SH3RF3: variants seen among roughly 807,000 people sequenced by gnomAD.
The protein encoded by SH3RF3 is E3 ubiquitin-protein ligase SH3RF3.
SH3RF3 carries 29 observed loss-of-function variants against 66.3 expected under a neutral mutation model. The ratio of observed to expected loss-of-function variants is 0.44; its 90% CI spans 0.33 to 0.60. The LOEUF (loss-of-function observed/expected upper bound fraction) is 0.60, where lower values mean the gene tolerates loss of function less well. Ranked by LOEUF, SH3RF3 falls within the 20% of genes least tolerant of loss-of-function variation. The pLI is 0.04. For synonymous variants in SH3RF3, 583 were observed against 532.0 expected, an observed-to-expected ratio of 1.10 and a Z score of -1.32; for missense variants, 1,194 against 1,190.9, an observed-to-expected ratio of 1.00 and a Z score of -0.04.
intron 3 of SH3RF3, among the ~76,000 whole-genome samples, chr2:109,374,855 A>T (rs950472757): frequency 6.6e-6 from 1 of 152,170 alleles, no homozygotes; most frequent in Non-Finnish European, 1.5e-5. Context: ...GCTTCCCATC[A>T]GCGCAGCTCA....
At chr2:109,267,554 A>G (rs1680527358) in intron 1 of SH3RF3, among the ~76,000 whole-genome samples, 1 of 152,132 alleles carries the variant, frequency 6.6e-6, no homozygotes, top group Non-Finnish European at 1.5e-5. Context: ...AACAGAGCCT[A>G]TCAAGTTTGC....
chr2:109,493,013 C>T (rs1482187230), intron 9 of SH3RF3, among the ~76,000 whole-genome samples: 1 of 151,846 alleles, frequency 6.6e-6, no homozygotes, highest in African/African-American at 2.4e-5. Context: ...AACATACACT[C>T]ACCACACATA....
intron 4 of SH3RF3, among the ~76,000 whole-genome samples, chr2:109,415,442 G>A (rs1372742409): frequency 6.6e-6 from 1 of 152,204 alleles, no homozygotes; most frequent in Non-Finnish European, 1.5e-5. Context: ...ACTCTGCACA[G>A]GGCGAGTGCT....
At chr2:109,495,316 G>A (rs74222047) in intron 9 of SH3RF3, among the ~76,000 whole-genome samples, 39,334 of 151,956 alleles carry the variant, frequency 0.26, 5,471 homozygotes, top group East Asian at 0.52. Context: ...TCTGGTGCAG[G>A]GCCAGGCAAG....
At chr2:109,476,671 G>A (rs1331000373) in intron 8 of SH3RF3, among the ~76,000 whole-genome samples, 3 of 152,192 alleles carry the variant, frequency 2.0e-5, no homozygotes, top group Non-Finnish European at 2.9e-5. Flanking sequence ...TGGATCTCCC[G>A]CAAGAAAGAA....
rs768689355 is a variant in SH3RF3 at position 109,244,963 on chromosome 2, G to A, written c.574-102711G>A. ...CCTTGGGTTTGAGACTTGATCAGGTGCCAGTATCTCTATGGAGAACTGTGA... is the reference window on the plus strand; with the variant it reads ...CCTTGGGTTTGAGACTTGATCAGGTACCAGTATCTCTATGGAGAACTGTGA... On this transcript the variant is annotated intron_variant, in intron 1 of 9. Coordinates refer to ENST00000309415, the MANE Select transcript of SH3RF3 (RefSeq NM_001099289.3). Among the ~76,000 whole-genome samples, 44 of 152,338 alleles carry A rather than the reference G, an allele frequency of 2.9e-4. 1 individual carries two copies. The highest frequency in any genetic ancestry group is 7.2e-4 in the Admixed American group (11 of 15,308).
At chr2:109,166,662 C>T (rs574580739) in intron 1 of SH3RF3, among the ~76,000 whole-genome samples, 14 of 152,210 alleles carry the variant, frequency 9.2e-5, no homozygotes, top group African/African-American at 2.6e-4. Flanking sequence ...CAGAAGGAAT[C>T]GAGGGAGCAG....
At chr2:109,230,882 G>A (rs1371258030) in intron 1 of SH3RF3, among the ~76,000 whole-genome samples, 4 of 152,188 alleles carry the variant, frequency 2.6e-5, no homozygotes, top group Non-Finnish European at 5.9e-5. Flanking sequence ...GACTCCCTTT[G>A]GGGGCTTTGG....
intron 5 of SH3RF3, among the ~76,000 whole-genome samples, chr2:109,427,801 A>G (rs952859946): frequency 1.3e-5 from 2 of 152,210 alleles, no homozygotes; most frequent in African/African-American, 4.8e-5. Context: ...AGAACCGAGC[A>G]GTTTCTGCTG....
chr2:109,381,449 G>A lies in SH3RF3; in HGVS notation c.945+9768G>A, dbSNP rs115134127. Reference sequence around the variant, plus strand: ...AGCACGCACACCCACCCAATCCTACGGAGACAGAGTTCTCACACCTACCCT... The same window carrying A: ...AGCACGCACACCCACCCAATCCTACAGAGACAGAGTTCTCACACCTACCCT... On this transcript the variant is annotated intron_variant, in intron 3 of 9. Coordinates refer to ENST00000309415, the MANE Select transcript of SH3RF3 (RefSeq NM_001099289.3). Among the ~76,000 whole-genome samples the A allele has an allele frequency of 2.5e-3, 378 of 152,158 alleles. 1 individual carries two copies. The highest frequency in any genetic ancestry group is 0.01 in the Middle Eastern group (3 of 294).
At chr2:109,326,541 G>T (rs1391398408) in intron 1 of SH3RF3, among the ~76,000 whole-genome samples, 1 of 152,172 alleles carries the variant, frequency 6.6e-6, no homozygotes, top group Non-Finnish European at 1.5e-5. Context: ...TGCCAATCTG[G>T]TGGGTGTGAA....
intron 1 of SH3RF3, among the ~76,000 whole-genome samples, chr2:109,276,699 G>C (rs1283841060): frequency 6.6e-6 from 1 of 151,990 alleles, no homozygotes; most frequent in East Asian, 1.9e-4. Context: ...GACCCTTTTT[G>C]GCTTGTTTTA....
At chr2:109,230,384 C>G (rs1223093462) in intron 1 of SH3RF3, among the ~76,000 whole-genome samples, 5 of 151,896 alleles carry the variant, frequency 3.3e-5, no homozygotes, top group Admixed American at 6.6e-5. Flanking sequence ...TGAGACCAGC[C>G]TGGCCAACAT....
chr2:109,148,460 C>A (rs1343599179), intron 1 of SH3RF3, among the ~76,000 whole-genome samples: 1 of 152,136 alleles, frequency 6.6e-6, no homozygotes, highest in African/African-American at 2.4e-5. Context: ...GTAGCTCAAA[C>A]TGTGTACAAA....
rs925561041 is a variant in SH3RF3 at position 109,490,673 on chromosome 2, G to T, written c.2217G>T (p.Pro739=). The T allele has an allele frequency of 5.3e-6, 8 of 1,519,088 alleles. No homozygotes were observed. In the South Asian group the frequency reaches 8.5e-5, roughly 16 times the overall value. The allele number at this position is 1,519,088 out of a possible 1,614,324, so 94.1% of individuals were successfully genotyped here. Residue 739 remains proline, a synonymous_variant, in exon 9 of 10, where the codon CCG becomes CCT. Transcript: ENST00000309415. Reference sequence around the variant, plus strand: ...CCACCAAGAAGAAGTCACGCTCCCCGCCATCTGTGTCTCCAACCCACGACC... The same window carrying T: ...CCACCAAGAAGAAGTCACGCTCCCCTCCATCTGTGTCTCCAACCCACGACC... ...GASTKKKSRS[P]PSVSPTHDPQ...
intron 2 of SH3RF3, among the ~76,000 whole-genome samples, chr2:109,368,121 GC>G (rs376439513): frequency 8.5e-5 from 13 of 152,222 alleles, no homozygotes; most frequent in African/African-American, 3.1e-4. Context: ...CTGATTTTTG[GC>G]CTTGGCCTAT....
chr2:109,187,806 C>G (rs750871935), intron 1 of SH3RF3, among the ~76,000 whole-genome samples: 4 of 152,230 alleles, frequency 2.6e-5, no homozygotes, highest in Non-Finnish European at 5.9e-5. Flanking sequence ...TTCCCTCTGA[C>G]ACCATCCTCT....
intron 1 of SH3RF3, among the ~76,000 whole-genome samples, chr2:109,225,834 C>T (rs550115310): frequency 4.6e-5 from 7 of 152,306 alleles, no homozygotes; most frequent in South Asian, 2.1e-4. Flanking sequence ...AGTGCGATCC[C>T]GGCTCACTGT....
intron 1 of SH3RF3, among the ~76,000 whole-genome samples, chr2:109,272,029 G>C (rs1209282904): frequency 6.6e-6 from 1 of 152,174 alleles, no homozygotes; most frequent in East Asian, 1.9e-4. Flanking sequence ...TTGACACTGA[G>C]TGACATTGGG....
Sources: allele counts gnomAD v4.1 joint callset (sites outside exome capture counted in the v4.1 genomes callset), GRCh38; gene constraint gnomAD v4.1.1; transcripts MANE v1.5; gene names NCBI Gene and HGNC (gene_info 2026-07-23, HGNC 2026-07-21).